CUX1: variants seen among roughly 807,000 people sequenced by gnomAD.
CUX1 encodes the protein protein CASP.
CUX1 carries 31 observed loss-of-function variants against 158.8 expected under a neutral mutation model. That is an observed-to-expected ratio of 0.20 (90% CI 0.15 to 0.26). The LOEUF is 0.26. Among genes scored for constraint, CUX1 ranks in the 10% least tolerant of loss-of-function variants. The pLI, the probability that CUX1 is intolerant of heterozygous loss-of-function variation, is 1.00. For synonymous variants in CUX1, 879 were observed against 862.1 expected (o/e 1.02, Z -0.34); for missense variants, 1,589 against 2,014.6 (o/e 0.79, Z 4.04).
intron 2 of CUX1, among the ~76,000 whole-genome samples, chr7:102,015,620 C>A (rs528681241): frequency 1.3e-5 from 2 of 152,120 alleles, no homozygotes; most frequent in Non-Finnish European, 2.9e-5. Flanking sequence ...GATGTCTTTC[C>A]TGGTGGTGGT....
chr7:101,828,565 A>G (rs1355824982), intron 1 of CUX1, among the ~76,000 whole-genome samples: 1 of 152,204 alleles, frequency 6.6e-6, no homozygotes, highest in Non-Finnish European at 1.5e-5. Context: ...CCCAGCAGCA[A>G]GAAACACAGA....
intron 23 of CUX1, among the ~76,000 whole-genome samples, chr7:102,247,179 G>C (rs1432625256): frequency 6.7e-6 from 1 of 150,154 alleles, no homozygotes; most frequent in Non-Finnish European, 1.5e-5. Flanking sequence ...GAGTGACAGA[G>C]CAAGACACTG....
intron 2 of CUX1, among the ~76,000 whole-genome samples, chr7:102,006,162 C>T (rs772992729): frequency 6.6e-6 from 1 of 152,076 alleles, no homozygotes; most frequent in Non-Finnish European, 1.5e-5. Flanking sequence ...CCTTTTAACC[C>T]GGGAGTAAAG....
In CUX1 at chr7:102,186,595, AT is replaced by A. The variant is rs781912833; in HGVS notation, c.1018-3209del. ...CTAGATAGTATATATATATATATAT[AT>A]TTTTTTTTATTTATGCCTATTTTTC... On this transcript the variant is annotated intron_variant, in intron 11 of 23. Coordinates refer to ENST00000292535, the MANE Select transcript of CUX1 (RefSeq NM_181552.4). 3.5e-3 allele frequency among the ~76,000 whole-genome samples: 448 copies of A among 128,616 alleles called. 4 individuals carry two copies. Among genetic ancestry groups the A allele is most frequent in the African/African-American group, 0.012 (420 of 34,734 alleles). The allele number at this position is 128,616 out of a possible 152,430, so 84.4% of individuals were successfully genotyped here. A position where few individuals can be genotyped will look rare whatever the true frequency, so the allele number is the denominator to read the frequency against.
chr7:101,910,335 T>C (rs1170735637), intron 1 of CUX1, among the ~76,000 whole-genome samples: 1 of 152,022 alleles, frequency 6.6e-6, no homozygotes, highest in East Asian at 2.0e-4. Context: ...TTTGTAGAGA[T>C]GGGGTTTTGC....
intron 2 of CUX1, among the ~76,000 whole-genome samples, chr7:102,018,672 A>C (rs1818968417): frequency 6.6e-6 from 1 of 152,348 alleles, no homozygotes; most frequent in African/African-American, 2.4e-5. Flanking sequence ...GACCAGAAGA[A>C]GCCTTAGTGC....
At chr7:101,817,350 C>T (rs1791963217), upstream of CUX1, 2 of 984,704 alleles carry the variant, frequency 2.0e-6, no homozygotes, top group Non-Finnish European at 1.2e-6. The surrounding 1 kb of genome is among the most constrained non-coding windows in gnomAD (Gnocchi z 4.1). Flanking sequence ...ATGGAGCGCG[C>T]GGCGGGTGCG....
chr7:101,877,147 C>T (rs1799228582), intron 1 of CUX1, among the ~76,000 whole-genome samples: 1 of 152,220 alleles, frequency 6.6e-6, no homozygotes, highest in Non-Finnish European at 1.5e-5. Context: ...ATAGCAGTAA[C>T]TGCACTGAAT....
chr7:102,181,130 G>A (rs1455966433), intron 11 of CUX1, among the ~76,000 whole-genome samples: 1 of 151,646 alleles, frequency 6.6e-6, no homozygotes, highest in African/African-American at 2.4e-5. Flanking sequence ...TAGTAGAGAT[G>A]GGATTTCTCC....
intron 4 of CUX1, among the ~76,000 whole-genome samples, chr7:102,084,230 A>G (rs1827727388): frequency 6.9e-6 from 1 of 144,582 alleles, no homozygotes; most frequent in African/African-American, 2.4e-5. Flanking sequence ...TTATACAGAA[A>G]TATAATGAAT....
In CUX1 at chr7:102,251,619, A is replaced by G; in HGVS notation, c.*2577A>G. The G allele has an allele frequency of 1.0e-6, 1 of 985,464 alleles. No homozygotes were observed. Among genetic ancestry groups the G allele is most frequent in the Non-Finnish European group, 1.2e-6 (1 of 829,940 alleles). The allele number at this position is 985,464 out of a possible 1,614,324, so 61.0% of individuals were successfully genotyped here. A position where few individuals can be genotyped will look rare whatever the true frequency, so the allele number is the denominator to read the frequency against. On this transcript the variant is annotated 3_prime_UTR_variant, in exon 24 of 24. Transcript: ENST00000292535. ...GGAGCTTAAGGGGACACGGGTCAAC[A>G]TCTAGCTCGATTCAGGTGCATTGAG...
intron 21 of CUX1, among the ~76,000 whole-genome samples, chr7:102,231,224 G>T (rs1327313462): frequency 6.6e-6 from 1 of 151,940 alleles, no homozygotes; most frequent in Non-Finnish European, 1.5e-5. Flanking sequence ...TAGAGACGGG[G>T]TTTCACTGTG....
intron 20 of CUX1, among the ~76,000 whole-genome samples, chr7:102,215,484 AGAAATGAGTTCGCT>A (rs1796961509): frequency 6.6e-6 from 1 of 152,204 alleles, no homozygotes; most frequent in Admixed American, 6.5e-5. Flanking sequence ...TGATGAATGC[AGAAATGAGTTCGCT>A]GATAACGTGA....
intron 1 of CUX1, among the ~76,000 whole-genome samples, chr7:101,833,602 C>T (rs1794301280): frequency 6.9e-6 from 1 of 143,944 alleles, no homozygotes; most frequent in Non-Finnish European, 1.5e-5. Context: ...CAAAAGCAAG[C>T]TTATGGAGAA....
intron 3 of CUX1, among the ~76,000 whole-genome samples, chr7:102,062,832 C>T (rs1460642740): frequency 2.0e-5 from 3 of 150,020 alleles, no homozygotes; most frequent in Non-Finnish European, 4.4e-5. Context: ...TAGCCGGGTG[C>T]GGTGGCTCAT....
chr7:101,880,777 G>A lies in CUX1; in HGVS notation c.31-35338G>A, dbSNP rs529707248. 7.9e-5 allele frequency among the ~76,000 whole-genome samples: 12 copies of A among 152,308 alleles called. No homozygotes were observed. The South Asian group carries it at 1.0e-3, about 13-fold the overall frequency. On this transcript the variant is annotated intron_variant, in intron 1 of 23. Coordinates refer to ENST00000292535, the MANE Select transcript of CUX1 (RefSeq NM_181552.4). ...AAAGAAGACCAGGTTTTGGAAAGAC[G>A]GTGGGGTTCACGTGATGAAACACAG...
intron 1 of CUX1, among the ~76,000 whole-genome samples, chr7:101,890,996 T>C (rs750806279): frequency 1.2e-4 from 18 of 151,872 alleles, no homozygotes; most frequent in Non-Finnish European, 2.1e-4. Context: ...GATTTTTTTT[T>C]TGAGCGGGGG....
chr7:102,079,504 G>A (rs1467054281), intron 4 of CUX1, among the ~76,000 whole-genome samples: 1 of 152,008 alleles, frequency 6.6e-6, no homozygotes, highest in Admixed American at 6.5e-5. Context: ...ATGCCAAGAA[G>A]TTCATCAATG....
intron 20 of CUX1, among the ~76,000 whole-genome samples, chr7:102,219,802 A>G (rs1347370721): frequency 1.3e-5 from 2 of 152,204 alleles, no homozygotes; most frequent in Non-Finnish European, 2.9e-5. Flanking sequence ...TAATCAGTCA[A>G]GATGCCAGTC....
Sources: gnomAD v4.1 joint callset for allele counts (sites outside exome capture counted in the v4.1 genomes callset) on GRCh38, gnomAD v4.1.1 for gene constraint, Gnocchi (gnomAD v3.1) non-coding constraint, MANE v1.5 for transcripts, NCBI Gene and HGNC (gene_info 2026-07-23, HGNC 2026-07-21) for gene names.